NKAIN3: variants seen among roughly 807,000 people sequenced by gnomAD.
NKAIN3 encodes the protein sodium/potassium-transporting ATPase subunit beta-1-interacting protein 3.
NKAIN3 carries 25 observed loss-of-function variants against 30.2 expected under a neutral mutation model. That is an observed-to-expected ratio of 0.83 (90% confidence interval 0.60 to 1.16). NKAIN3 has a LOEUF of 1.16. NKAIN3 is among the 50% of genes most tolerant of loss of function. NKAIN3 has a pLI of 0.00. For synonymous variants in NKAIN3, 91 were observed against 89.6 expected, an observed-to-expected ratio of 1.02 and a Z score of -0.09; for missense variants, 225 against 254.1, an observed-to-expected ratio of 0.89 and a Z score of 0.78.
At chr8:62,611,042 G>C (rs1811273962) in intron 3 of NKAIN3, among the ~76,000 whole-genome samples, 1 of 152,058 alleles carries the variant, frequency 6.6e-6, no homozygotes, top group South Asian at 2.1e-4. Flanking sequence ...AGCTAAATAT[G>C]AAATACTTGC....
chr8:62,806,931 G>T (rs1347764542), intron 4 of NKAIN3, among the ~76,000 whole-genome samples: 1 of 152,022 alleles, frequency 6.6e-6, no homozygotes, highest in African/African-American at 2.4e-5. Context: ...GTCCTCTGCA[G>T]GGCACAGAGG....
intron 3 of NKAIN3, among the ~76,000 whole-genome samples, chr8:62,634,085 A>G (rs1215599426): frequency 1.3e-5 from 2 of 152,170 alleles, no homozygotes; most frequent in African/African-American, 2.4e-5. Context: ...CTCATAGAAC[A>G]TATATTTATG....
At chr8:62,546,567 A>C (rs557760286) in intron 1 of NKAIN3, among the ~76,000 whole-genome samples, 1 of 152,250 alleles carries the variant, frequency 6.6e-6, no homozygotes, top group East Asian at 1.9e-4. Flanking sequence ...AGGTTCTTCA[A>C]ATGGCCTATT....
chr8:62,577,587 A>G (rs1187538628), intron 1 of NKAIN3, among the ~76,000 whole-genome samples: 1 of 145,132 alleles, frequency 6.9e-6, no homozygotes, highest in African/African-American at 2.6e-5. Context: ...TTTAAAAAAT[A>G]CATATTTGTA....
At position 62,589,693 on chromosome 8, in the gene NKAIN3, C is replaced by T. The variant is rs764108057; in HGVS notation, c.193-21C>T. On this transcript the variant is annotated intron_variant, in intron 2 of 6. Coordinates refer to ENST00000623646, the MANE Select transcript of NKAIN3 (RefSeq NM_001304533.3). ...ATCTCCATATTTTTCTTCTCTTTCT[C>T]CCTCCCCCATTTCTATCTAGTATAC... is the stretch of plus-strand genomic sequence containing the variant. 12 of 1,223,070 alleles carry T rather than the reference C, an allele frequency of 9.8e-6. No homozygotes were observed. In the South Asian group the frequency reaches 1.5e-4, roughly 15 times the overall value. The allele number at this position is 1,223,070 out of a possible 1,614,324, so 75.8% of individuals were successfully genotyped here.
At chr8:62,290,540 G>A (rs879179918) in intron 1 of NKAIN3, among the ~76,000 whole-genome samples, 6 of 152,206 alleles carry the variant, frequency 3.9e-5, no homozygotes, top group African/African-American at 9.6e-5. Context: ...GCTGGATTAC[G>A]TTTATTGATT....
At chr8:62,514,267 G>C (rs11783420) in intron 1 of NKAIN3, among the ~76,000 whole-genome samples, 3 of 151,684 alleles carry the variant, frequency 2.0e-5, no homozygotes, top group Non-Finnish European at 1.5e-5. Flanking sequence ...ATAGATACTC[G>C]TTTTTTTTAA....
Position 62,976,014 on chromosome 8 carries a change from G to C in NKAIN3, c.*10607G>C, listed in dbSNP as rs1001217593. On this transcript the variant is annotated 3_prime_UTR_variant, in exon 7 of 7. Transcript: ENST00000623646. ...GGTTTTGAGTGAGTTTCTTAATCCT[G>C]AGTTCTAACTTGATTGCACTGTGGT... Among the ~76,000 whole-genome samples the C allele has an allele frequency of 6.6e-6, 1 of 151,906 alleles. No homozygotes were observed. The highest frequency in any genetic ancestry group is 6.6e-5 in the Admixed American group (1 of 15,266).
chr8:62,266,104 C>T (rs1221332851), intron 1 of NKAIN3, among the ~76,000 whole-genome samples: 1 of 152,132 alleles, frequency 6.6e-6, no homozygotes, highest in African/African-American at 2.4e-5. Flanking sequence ...AGAAAGTCTC[C>T]TCTTGGACTC....
intron 4 of NKAIN3, among the ~76,000 whole-genome samples, chr8:62,833,805 C>T (rs1307723429): frequency 6.6e-6 from 1 of 151,874 alleles, no homozygotes; most frequent in African/African-American, 2.4e-5. Flanking sequence ...GGGGGAGGGA[C>T]TCCTCCCTAA....
chr8:62,593,239 T>C (rs969248054), intron 3 of NKAIN3, among the ~76,000 whole-genome samples: 4 of 151,878 alleles, frequency 2.6e-5, no homozygotes, highest in African/African-American at 7.2e-5. Context: ...GATAATATTC[T>C]CCCACCACAA....
At chr8:62,289,659 T>C (rs1244039417) in intron 1 of NKAIN3, among the ~76,000 whole-genome samples, 1 of 152,176 alleles carries the variant, frequency 6.6e-6, no homozygotes, top group African/African-American at 2.4e-5. Context: ...TGTAGTATAG[T>C]TTGAAGTCAG....
At chr8:62,312,922 G>C (rs1257092397) in intron 1 of NKAIN3, among the ~76,000 whole-genome samples, 2 of 151,836 alleles carry the variant, frequency 1.3e-5, no homozygotes, top group African/African-American at 4.8e-5. Context: ...AAAACAGAGA[G>C]CTCGAAGTTG....
chr8:62,935,009 GTTTTC>G (rs1013829801), intron 5 of NKAIN3, among the ~76,000 whole-genome samples: 3 of 152,112 alleles, frequency 2.0e-5, no homozygotes, highest in African/African-American at 7.2e-5. Context: ...CCTCCACGGA[GTTTTC>G]TTTTCTTTCC....
chr8:62,670,665 C>T (rs1813271096), intron 3 of NKAIN3, among the ~76,000 whole-genome samples: 1 of 152,086 alleles, frequency 6.6e-6, no homozygotes, highest in African/African-American at 2.4e-5. Context: ...AGTTCAGGTG[C>T]TCACTAGAGA....
chr8:62,753,233 C>CACAT (rs1491251424), intron 4 of NKAIN3, among the ~76,000 whole-genome samples: 1 of 149,808 alleles, frequency 6.7e-6, no homozygotes, highest in South Asian at 2.1e-4. Context: ...CACACACACA[C>CACAT]GCACGCACGC....
At position 62,934,842 on chromosome 8, in the gene NKAIN3, C is replaced by A. The variant is rs77848019; in HGVS notation, c.532+16329C>A. On this transcript the variant is annotated intron_variant, in intron 5 of 6. Transcript: ENST00000623646. ...ATGGTTTGTGCTACTGGGGAAAAAA[C>A]GGGGTAGAAAATGAAAGCAATGCCA... Among the ~76,000 whole-genome samples the A allele has an allele frequency of 3.1e-3, 471 of 152,038 alleles. 7 individuals are homozygous for A. The highest frequency in any genetic ancestry group is 0.023 in the Admixed American group (354 of 15,286).
At chr8:62,273,372 G>A (rs1423701672) in intron 1 of NKAIN3, among the ~76,000 whole-genome samples, 2 of 151,984 alleles carry the variant, frequency 1.3e-5, no homozygotes, top group Admixed American at 6.6e-5. Flanking sequence ...TGTATTAATA[G>A]TTCTTCTCCA....
At chr8:62,443,518 G>A (rs2129598376) in intron 1 of NKAIN3, among the ~76,000 whole-genome samples, 1 of 152,104 alleles carries the variant, frequency 6.6e-6, no homozygotes, top group East Asian at 1.9e-4. Context: ...CGAGTAGCTG[G>A]GACTAGAGGT....
Sources: allele counts gnomAD v4.1 joint callset (sites outside exome capture counted in the v4.1 genomes callset), GRCh38; gene constraint gnomAD v4.1.1; transcripts MANE v1.5; gene names NCBI Gene and HGNC (gene_info 2026-07-23, HGNC 2026-07-21).